The following SHMT2 variants were observed in gnomAD, a reference collection of about 807,000 sequenced individuals.
The protein encoded by SHMT2 is serine hydroxymethyltransferase 2, also known as serine hydroxymethyltransferase, mitochondrial.
A neutral mutation model predicts 59.6 loss-of-function variants in SHMT2; 38 were observed. That is an observed-to-expected ratio of 0.64 (90% CI 0.49 to 0.84). The LOEUF is 0.84. SHMT2 is among the 40% of genes least tolerant of loss of function. The pLI is 0.00. For synonymous variants in SHMT2, 254 were observed against 258.1 expected, an observed-to-expected ratio of 0.98 and a Z score of 0.15; for missense variants, 533 against 659.5, an observed-to-expected ratio of 0.81 and a Z score of 2.10.
intron 2 of SHMT2, 95 bp from the exon 3 acceptor site, chr12:57,231,386 A>G (rs1384899772): frequency 4.6e-6 from 6 of 1,298,188 alleles, no homozygotes; most frequent in Non-Finnish European, 6.5e-6. Context: ...TGCAGGGAGT[A>G]CTCCCGCTTT....
chr12:57,230,738 G>C (rs1045349369), intron 1 of SHMT2, 65 bp from the exon 2 acceptor site: 3 of 1,576,992 alleles, frequency 1.9e-6, no homozygotes, highest in Non-Finnish European at 2.6e-6. Context: ...AAGCATGAGT[G>C]AGGGTGGCCG....
At chr12:57,229,890 T>G in intron 1 of SHMT2, 79 bp downstream of exon 1, 2 of 1,584,566 alleles carry the variant, frequency 1.3e-6, no homozygotes, top group Non-Finnish European at 8.6e-7. Context: ...TCACAAACTC[T>G]GGGGTTCTCT....
At chr12:57,230,705 C>T in intron 1 of SHMT2, 98 bp from the exon 2 acceptor site, 2 of 1,507,144 alleles carry the variant, frequency 1.3e-6, no homozygotes, top group Admixed American at 2.1e-5. Context: ...GGCTGGACAA[C>T]TGGCAGCTTG....
chr12:57,230,500 T>C, intron 1 of SHMT2: 1 of 1,263,518 alleles, frequency 7.9e-7, no homozygotes, highest in African/African-American at 1.5e-5. Flanking sequence ...TTGCCCTCTC[T>C]GGAGTTGGGG....
intron 1 of SHMT2, chr12:57,230,396 T>A: frequency 8.7e-7 from 1 of 1,148,142 alleles, no homozygotes; most frequent in South Asian, 1.9e-5. Context: ...CCTTGCCAAC[T>A]CTGCCTCTTC....
chr12:57,231,849 G>A lies in SHMT2; in HGVS notation c.448G>A (p.Val150Ile), dbSNP rs143872444. The change falls in exon 4 of 12, where the codon GTC becomes ATC. Residue 150 changes from valine to isoleucine, a missense_variant. By Grantham distance (29) the Val-to-Ile change is conservative. Transcript: ENST00000328923. ...CTCCGGGTCCCCAGCCAACCTGGCC[G>A]TCTACACAGCCCTTCTGCAACCTCA... ...PYSGSPANLA[V>I]YTALLQPHDR... The A allele has an allele frequency of 4.3e-5, 70 of 1,613,996 alleles. No individual in the cohort carries two copies. The highest frequency in any genetic ancestry group is 1.6e-4 in the Middle Eastern group (1 of 6,062).
In SHMT2 at chr12:57,229,804, C is replaced by A. The variant is rs747807742; in HGVS notation, c.26C>A (p.Ala9Glu). Residue 9 changes from alanine to glutamate, a missense_variant, in exon 1 of 12, where the codon GCG (alanine) becomes GAG (glutamate). Transcript: ENST00000328923. ...ATGCTGTACTTCTCTTTGTTTTGGG[C>A]GGCTCGGGTAAGAATGGGGCTCCAA... MLYFSLFW[A>E]ARPLQRCGQL... is the part of the protein sequence containing the mutation. 1.9e-6 allele frequency: 3 copies of A among 1,614,164 alleles called. No individual in the cohort carries two copies. Among genetic ancestry groups the A allele is most frequent in the Non-Finnish European group, 1.7e-6 (2 of 1,179,974 alleles).
chr12:57,233,875 G>A lies in SHMT2; in HGVS notation c.1250G>A (p.Ser417Asn). 2 of 1,614,218 alleles carry A rather than the reference G, an allele frequency of 1.2e-6. No homozygotes were observed. The highest frequency in any genetic ancestry group is 1.7e-6 in the Non-Finnish European group (2 of 1,180,046). ...AAGAACACCTGTCCTGGAGACCGAAGTGCCATCACACCGGGCGGCCTGCGG... is the reference window on the plus strand; with the variant it reads ...AAGAACACCTGTCCTGGAGACCGAAATGCCATCACACCGGGCGGCCTGCGG... ...ANKNTCPGDR[S>N]AITPGGLRLG... Residue 417 changes from serine to asparagine, a missense_variant, in exon 10 of 12, where the codon AGT becomes AAT. Physicochemically the swap from Ser to Asn is conservative, Grantham distance 46 (BLOSUM62 1). Transcript: ENST00000328923.
In SHMT2 at chr12:57,230,597, G is replaced by C. The variant is rs116236740; in HGVS notation, c.34-206G>C. On this transcript the variant is annotated intron_variant, in intron 1 of 11. Coordinates refer to ENST00000328923, the MANE Select transcript of SHMT2 (RefSeq NM_005412.6). ...TTTCTGAGGTGCGGTGCGGTGAATG[G>C]AGCAAATCAGAACCACCCCTTGGAC... 579 of 1,427,096 alleles carry C rather than the reference G, an allele frequency of 4.1e-4. 2 individuals are homozygous for C. The African/African-American group carries it at 7.7e-3, about 19-fold the overall frequency. 88.4% of individuals were successfully genotyped at this position (1,427,096 alleles called of 1,614,324 possible).
chr12:57,230,563 G>A, intron 1 of SHMT2: 1 of 1,393,998 alleles, frequency 7.2e-7, no homozygotes, highest in Non-Finnish European at 9.3e-7. Flanking sequence ...GGAGTGAGGT[G>A]GTGGGAGATT....
chr12:57,233,174 A>T lies in SHMT2; in HGVS notation c.858-6A>T, dbSNP rs756157172. ...CTTAGACTCTGACCATCCACCTCTC[A>T]CACAGGTCAGGGCTCATCTTCTACC... On this transcript the variant is annotated splice_region_variant and splice_polypyrimidine_tract_variant and intron_variant, in intron 7 of 11. Coordinates refer to ENST00000328923, the MANE Select transcript of SHMT2 (RefSeq NM_005412.6). 1.2e-5 allele frequency: 18 copies of T among 1,529,978 alleles called. No individual in the cohort carries two copies. The highest frequency in any genetic ancestry group is 1.6e-5 in the Non-Finnish European group (18 of 1,137,184). The allele number at this position is 1,529,978 out of a possible 1,614,324, so 94.8% of individuals were successfully genotyped here. A position where few individuals can be genotyped will look rare whatever the true frequency, so the allele number is the denominator to read the frequency against.
In SHMT2 at chr12:57,229,996, C is replaced by T. The variant is rs1024131756; in HGVS notation, c.33+185C>T. On this transcript the variant is annotated intron_variant, in intron 1 of 11. Coordinates refer to ENST00000328923, the MANE Select transcript of SHMT2 (RefSeq NM_005412.6). ...GGGCGCGCGTGGAGTTAACTGCGAG[C>T]CTGTCCTCATTCTGGCGATCAGACG... 1.6e-5 allele frequency: 23 copies of T among 1,439,688 alleles called. No homozygotes were observed. In the East Asian group the frequency reaches 2.5e-4, roughly 16 times the overall value. 89.2% of individuals were successfully genotyped at this position (1,439,688 alleles called of 1,614,324 possible). A position where few individuals can be genotyped will look rare whatever the true frequency, so the allele number is the denominator to read the frequency against.
rs927279872 is a variant in SHMT2, at chr12:57,233,986, CT to C, written c.1280-15del. The C allele has an allele frequency of 1.9e-6, 3 of 1,614,044 alleles. No homozygotes were observed. In the African/African-American group the frequency reaches 4.0e-5, roughly 22 times the overall value. On this transcript the variant is annotated splice_polypyrimidine_tract_variant and intron_variant, in intron 10 of 11. Coordinates refer to ENST00000328923, the MANE Select transcript of SHMT2 (RefSeq NM_005412.6). ...ACCTTGGGCTATGCTCATCCCTCCC[CT>C]TGTGCCTCGTTCCAGGGGCCCCAGC...
chr12:57,230,824 C>G lies in SHMT2; in HGVS notation c.55C>G (p.Leu19Val). 2 of 1,614,088 alleles carry G rather than the reference C, an allele frequency of 1.2e-6. No homozygotes were observed. The highest frequency in any genetic ancestry group is 2.2e-5 in the South Asian group (2 of 91,078). ...AARPLQRCGQ[L>V]VRMAIRAQHS... ...TCAGCCTCTGCAGAGATGTGGGCAG[C>G]TGGTCAGGATGGCCATTCGGGCTCA... Residue 19 changes from leucine to valine, a missense_variant, in exon 2 of 12, where the codon CTG becomes GTG. By Grantham distance (32) the Leu-to-Val change is conservative (BLOSUM62 1). Coordinates refer to ENST00000328923, the MANE Select transcript of SHMT2 (RefSeq NM_005412.6).
intron 1 of SHMT2, 39 bp from the exon 2 acceptor site, chr12:57,230,764 G>T (rs767051944): frequency 4.3e-6 from 7 of 1,609,380 alleles, no homozygotes; most frequent in Middle Eastern, 1.7e-4. Context: ...CGATTTGTCT[G>T]GACTGTTGTG....
chr12:57,231,849 G>GT lies in SHMT2; in HGVS notation c.449dup (p.Tyr151LeufsTer29). The GT allele has an allele frequency of 6.2e-7, 1 of 1,613,998 alleles. No homozygotes were observed. Among genetic ancestry groups the GT allele is most frequent in the Non-Finnish European group, 8.5e-7 (1 of 1,179,948 alleles). ...CTCCGGGTCCCCAGCCAACCTGGCC[G>GT]TCTACACAGCCCTTCTGCAACCTCA... On this transcript the variant is annotated frameshift_variant, in exon 4 of 12. Coordinates refer to ENST00000328923, the MANE Select transcript of SHMT2 (RefSeq NM_005412.6). LOFTEE classifies it high-confidence loss of function.
rs1565772512 is a variant in SHMT2, at chr12:57,233,371, G to GT, written c.1023+27dup. ...GTTGGGGATCCTGTCTTTGTAGGGT[G>GT]TGGGGGGGCAATGGCCTGGAGGCTT... On this transcript the variant is annotated intron_variant, in intron 8 of 11. Coordinates refer to ENST00000328923, the MANE Select transcript of SHMT2 (RefSeq NM_005412.6). The GT allele has an allele frequency of 3.8e-6, 6 of 1,570,362 alleles. No homozygotes were observed. The Admixed American group carries it at 7.6e-5, about 20-fold the overall frequency.
In SHMT2 at chr12:57,231,011, G is replaced by T; in HGVS notation, c.231+11G>T. The stretch of plus-strand genomic sequence containing the variant: ...CTCATTGCCTCAGAGGTGGGACCTG[G>T]GGAGATGGGCAGGGGTTGGGCCACC... On this transcript the variant is annotated intron_variant, in intron 2 of 11. Transcript: ENST00000328923. 1 of 1,612,904 alleles carries T rather than the reference G, an allele frequency of 6.2e-7. No homozygotes were observed. Among genetic ancestry groups the T allele is most frequent in the Non-Finnish European group, 8.5e-7 (1 of 1,179,858 alleles).
Position 57,233,593 on chromosome 12 carries a change from C to A in SHMT2, c.1054C>A (p.Leu352Met). The A allele has an allele frequency of 6.2e-7, 1 of 1,614,066 alleles. No individual in the cohort carries two copies. Among genetic ancestry groups the A allele is most frequent in the Non-Finnish European group, 8.5e-7 (1 of 1,179,940 alleles). The change falls in exon 9 of 12, where the codon CTG becomes ATG. Residue 352 changes from leucine to methionine, a missense_variant. Transcript: ENST00000328923. Reference sequence around the variant, plus strand: ...CACCCCCATGTTCCGGGAGTACTCCCTGCAGGTTCTGAAGAATGCTCGGGC... The same window carrying A: ...CACCCCCATGTTCCGGGAGTACTCCATGCAGGTTCTGAAGAATGCTCGGGC... ...ACTPMFREYS[L>M]QVLKNARAMA...
Sources: gnomAD v4.1 joint callset for allele counts on GRCh38, gnomAD v4.1.1 for gene constraint, MANE v1.5 for transcripts, NCBI Gene and HGNC (gene_info 2026-07-23, HGNC 2026-07-21) for gene names.